NPY2R: variants seen among roughly 807,000 people sequenced by gnomAD.
NPY2R encodes neuropeptide Y receptor type 2.
In NPY2R, 17 loss-of-function variants were observed where a neutral mutation model predicts 22.3. The ratio of observed to expected loss-of-function variants is 0.76; its 90% CI spans 0.52 to 1.14. NPY2R has a LOEUF of 1.14. Among genes scored for constraint, NPY2R ranks in the 50% most tolerant of loss-of-function variants. NPY2R has a pLI of 0.00. For missense variants in NPY2R, 424 were observed against 467.9 expected (o/e 0.91, Z 0.87); for synonymous variants, 209 against 183.4 (o/e 1.14, Z -1.13).
chr4:155,196,069 C>T, the NPY2R span, among the ~76,000 whole-genome samples: 2 of 151,868 alleles, frequency 1.3e-5, no homozygotes, highest in Non-Finnish European at 2.9e-5. Context: ...AATGCATTGC[C>T]CATGCATGAT....
At chr4:155,209,275 T>C (rs971521912) in intron 1 of NPY2R, among the ~76,000 whole-genome samples, 7 of 152,188 alleles carry the variant, frequency 4.6e-5, no homozygotes, top group African/African-American at 7.2e-5. Flanking sequence ...CTGTTGAAGA[T>C]TATTTACTAT....
the NPY2R span, among the ~76,000 whole-genome samples, chr4:155,183,285 C>T: frequency 6.6e-6 from 1 of 152,202 alleles, no homozygotes; most frequent in Non-Finnish European, 1.5e-5. Flanking sequence ...AAACAAACGC[C>T]TCCATTTCAG....
At chr4:155,185,994 T>G in the NPY2R span, among the ~76,000 whole-genome samples, 8 of 152,124 alleles carry the variant, frequency 5.3e-5, no homozygotes, top group Admixed American at 5.2e-4. Flanking sequence ...TACACATTCA[T>G]TAACAAGACC....
At position 155,213,907 on chromosome 4, in the gene NPY2R, G is replaced by A; in HGVS notation, c.-33G>A. The A allele has an allele frequency of 1.9e-6, 3 of 1,571,136 alleles. No individual in the cohort carries two copies. Among genetic ancestry groups the A allele is most frequent in the African/African-American group, 2.7e-5 (2 of 74,144 alleles). ...TTCTTTTTAGGTTGTAGACTCTTGTGCTGGTTGCAGGCCAAGTGGACCTGT... is the reference window on the plus strand; with the variant it reads ...TTCTTTTTAGGTTGTAGACTCTTGTACTGGTTGCAGGCCAAGTGGACCTGT... On this transcript the variant is annotated 5_prime_UTR_variant, in exon 2 of 2. Coordinates refer to ENST00000329476, the MANE Select transcript of NPY2R (RefSeq NM_000910.4).
At position 155,213,889 on chromosome 4, in the gene NPY2R, T is replaced by C. The variant is rs1311848076; in HGVS notation, c.-48-3T>C. The C allele has an allele frequency of 2.1e-6, 3 of 1,445,044 alleles. No individual in the cohort carries two copies. Among genetic ancestry groups the C allele is most frequent in the South Asian group, 2.3e-5 (2 of 87,698 alleles). 89.5% of individuals were successfully genotyped at this position (1,445,044 alleles called of 1,614,324 possible). A position where few individuals can be genotyped will look rare whatever the true frequency, so the allele number is the denominator to read the frequency against. On this transcript the variant is annotated splice_polypyrimidine_tract_variant and splice_region_variant and intron_variant, in intron 1 of 1. Coordinates refer to ENST00000329476, the MANE Select transcript of NPY2R (RefSeq NM_000910.4). ...TTTGTTTTATTTTGTTTTTTCTTTT[T>C]AGGTTGTAGACTCTTGTGCTGGTTG...
the NPY2R span, among the ~76,000 whole-genome samples, chr4:155,176,339 C>T: frequency 6.6e-6 from 1 of 152,104 alleles, no homozygotes; most frequent in African/African-American, 2.4e-5. Context: ...CTGCCTCTTT[C>T]CCTCCATCTC....
At chr4:155,181,988 C>T in the NPY2R span, among the ~76,000 whole-genome samples, 11 of 152,082 alleles carry the variant, frequency 7.2e-5, no homozygotes, top group Non-Finnish European at 1.5e-5. Flanking sequence ...CAAAAAAATA[C>T]AACTTGACTG....
chr4:155,205,694 G>T (rs1042115968), upstream of NPY2R, among the ~76,000 whole-genome samples: 16 of 152,118 alleles, frequency 1.1e-4, no homozygotes, highest in African/African-American at 3.9e-4. Context: ...TGGTCTATGG[G>T]GTAGGGGAAA....
the NPY2R span, chr4:155,174,291 T>C: frequency 6.6e-6 from 1 of 151,664 alleles, no homozygotes; most frequent in Non-Finnish European, 1.5e-5. Flanking sequence ...CCAGGTACTG[T>C]TATAGGTATC....
At chr4:155,200,198 CA>C in the NPY2R span, among the ~76,000 whole-genome samples, 1 of 152,042 alleles carries the variant, frequency 6.6e-6, no homozygotes, top group African/African-American at 2.4e-5. Context: ...AGGATCTGAA[CA>C]GACACTTCTC....
chr4:155,182,551 A>G, the NPY2R span, among the ~76,000 whole-genome samples: 1 of 152,194 alleles, frequency 6.6e-6, no homozygotes, highest in African/African-American at 2.4e-5. Context: ...AATGATGTTT[A>G]AAGTGTCAGT....
chr4:155,177,952 T>C, the NPY2R span, among the ~76,000 whole-genome samples: 1 of 152,124 alleles, frequency 6.6e-6, no homozygotes. Flanking sequence ...GTTGGAAACT[T>C]ACCTCATATG....
chr4:155,215,103 AATGT>A lies in NPY2R; in HGVS notation c.*22_*25del. ...ATGTCTAAGGAAGCTGTGGTGTGAAAATGTATGGATGAATTCTGACCAGAGCTAT... is the reference window on the plus strand; with the variant it reads ...ATGTCTAAGGAAGCTGTGGTGTGAAAATGGATGAATTCTGACCAGAGCTAT... On this transcript the variant is annotated 3_prime_UTR_variant, in exon 2 of 2. Coordinates refer to ENST00000329476, the MANE Select transcript of NPY2R (RefSeq NM_000910.4). 6.2e-7 allele frequency: 1 copy of A among 1,607,078 alleles called. No homozygotes were observed. Among genetic ancestry groups the A allele is most frequent in the Non-Finnish European group, 8.5e-7 (1 of 1,175,072 alleles).
chr4:155,174,942 C>T, the NPY2R span, among the ~76,000 whole-genome samples: 1 of 152,106 alleles, frequency 6.6e-6, no homozygotes, highest in East Asian at 1.9e-4. Context: ...TTTAATAAAA[C>T]TGAGTTATTC....
the NPY2R span, among the ~76,000 whole-genome samples, chr4:155,200,964 T>A: frequency 6.6e-6 from 1 of 152,056 alleles, no homozygotes; most frequent in Admixed American, 6.6e-5. Flanking sequence ...GGCACAAGTG[T>A]ACCTACGTAA....
In NPY2R at chr4:155,215,561, T is replaced by A. The variant is rs1729498974; in HGVS notation, c.*476T>A. On this transcript the variant is annotated 3_prime_UTR_variant, in exon 2 of 2. Coordinates refer to ENST00000329476, the MANE Select transcript of NPY2R (RefSeq NM_000910.4). ...CCACAGGCTCTCCTTCATCGCATTT[T>A]GATTTTTTTGTTCATTCTCTAGACA... is the stretch of plus-strand genomic sequence containing the variant. The A allele has an allele frequency of 9.9e-6, 2 of 201,466 alleles. No homozygotes were observed. Among genetic ancestry groups the A allele is most frequent in the South Asian group, 2.2e-4 (2 of 9,056 alleles). 12.5% of individuals were successfully genotyped at this position (201,466 alleles called of 1,614,324 possible). A position where few individuals can be genotyped will look rare whatever the true frequency, so the allele number is the denominator to read the frequency against.
At chr4:155,211,547 A>G (rs569330372) in intron 1 of NPY2R, among the ~76,000 whole-genome samples, 13 of 152,352 alleles carry the variant, frequency 8.5e-5, no homozygotes, top group African/African-American at 2.9e-4. Flanking sequence ...ATTTTCTTCT[A>G]TAGGCCAGTG....
Position 155,215,064 on chromosome 4 carries a change from C to T in NPY2R, c.1125C>T (p.Phe375=). The change falls in exon 2 of 2, where the codon TTC becomes TTT. Residue 375 remains phenylalanine, a synonymous_variant. Transcript: ENST00000329476. ...VRKNSGPNDS[F]TEATNV is the part of the protein sequence containing the mutation. ...AGAACAGTGGCCCCAATGACTCTTTCACAGAGGCTACCAATGTCTAAGGAA... is the reference window on the plus strand; with the variant it reads ...AGAACAGTGGCCCCAATGACTCTTTTACAGAGGCTACCAATGTCTAAGGAA... 1 of 1,613,152 alleles carries T rather than the reference C, an allele frequency of 6.2e-7. No homozygotes were observed. The highest frequency in any genetic ancestry group is 1.1e-5 in the South Asian group (1 of 91,086).
the NPY2R span, among the ~76,000 whole-genome samples, chr4:155,179,316 A>T: frequency 6.6e-6 from 1 of 152,092 alleles, no homozygotes; most frequent in African/African-American, 2.4e-5. Flanking sequence ...TTTTGACCGG[A>T]TGCCAGATAT....
Sources: gnomAD v4.1 joint callset for allele counts (sites outside exome capture counted in the v4.1 genomes callset) on GRCh38, gnomAD v4.1.1 for gene constraint, MANE v1.5 for transcripts, NCBI Gene and HGNC (gene_info 2026-07-23, HGNC 2026-07-21) for gene names.